ARFGEF3: variants seen among roughly 807,000 people sequenced by gnomAD.
ARFGEF3 encodes the protein ARFGEF family member 3.
A neutral mutation model predicts 221.7 loss-of-function variants in ARFGEF3; 96 were observed. The observed-to-expected ratio is 0.43, with a 90% CI of 0.37 to 0.51. The LOEUF (loss-of-function observed/expected upper bound fraction) is 0.51. Ranked by LOEUF, ARFGEF3 falls within the 20% of genes least tolerant of loss-of-function variation. The pLI is 0.00. For missense variants in ARFGEF3, 2,410 were observed against 2,789.9 expected (o/e 0.86, Z 3.07); for synonymous variants, 1,145 against 1,126.8 (o/e 1.02, Z -0.32).
At chr6:138,207,216 G>GT in intron 3 of ARFGEF3, 93 bp downstream of exon 3, 1 of 906,842 alleles carries the variant, frequency 1.1e-6, no homozygotes, top group East Asian at 2.6e-5. Context: ...AATACTGGCT[G>GT]TTTAAAGACT....
At chr6:138,235,331 T>C (rs1778266358) in intron 5 of ARFGEF3, among the ~76,000 whole-genome samples, 1 of 152,218 alleles carries the variant, frequency 6.6e-6, no homozygotes, top group African/African-American at 2.4e-5. Context: ...GCCCTGCATC[T>C]TTGTGTGTTC....
chr6:138,182,586 A>T (rs995063030), intron 2 of ARFGEF3, among the ~76,000 whole-genome samples: 2 of 152,218 alleles, frequency 1.3e-5, no homozygotes, highest in African/African-American at 4.8e-5. Context: ...TTTGCCAGGA[A>T]ATGACTTAAA....
At chr6:138,297,889 T>C (rs897666101) in intron 21 of ARFGEF3, among the ~76,000 whole-genome samples, 1 of 152,182 alleles carries the variant, frequency 6.6e-6, no homozygotes, top group African/African-American at 2.4e-5. Context: ...TGGGGCCAGA[T>C]GGTTCATGAT....
intron 5 of ARFGEF3, among the ~76,000 whole-genome samples, chr6:138,232,845 T>C (rs1405928307): frequency 6.6e-6 from 1 of 152,174 alleles, no homozygotes; most frequent in Admixed American, 6.5e-5. Context: ...AAAGTGAAGT[T>C]TGCTTGCTCA....
chr6:138,280,411 C>G (rs926718676), intron 14 of ARFGEF3, among the ~76,000 whole-genome samples: 1 of 152,164 alleles, frequency 6.6e-6, no homozygotes, highest in Non-Finnish European at 1.5e-5. Context: ...AACTTAGCAC[C>G]TTTGTCTGTT....
intron 31 of ARFGEF3, among the ~76,000 whole-genome samples, chr6:138,327,218 T>C (rs1489912922): frequency 1.3e-5 from 2 of 152,188 alleles, no homozygotes; most frequent in Non-Finnish European, 2.9e-5. Flanking sequence ...TGTTTACCTA[T>C]GTAAGAAACC....
intron 2 of ARFGEF3, among the ~76,000 whole-genome samples, chr6:138,193,637 G>A (rs1479157095): frequency 1.3e-5 from 2 of 152,164 alleles, no homozygotes; most frequent in African/African-American, 4.8e-5. Flanking sequence ...TGACTGTTGT[G>A]TTAACTGGTA....
At chr6:138,319,338 A>G (rs1469477318) in intron 27 of ARFGEF3, among the ~76,000 whole-genome samples, 1 of 151,716 alleles carries the variant, frequency 6.6e-6, no homozygotes, top group Non-Finnish European at 1.5e-5. Flanking sequence ...TATATAAAAT[A>G]TTTCCCCATG....
chr6:138,313,586 T>G (rs1779868316), intron 25 of ARFGEF3, among the ~76,000 whole-genome samples: 2 of 152,220 alleles, frequency 1.3e-5, no homozygotes, highest in South Asian at 4.1e-4. Context: ...TCTACTTTTT[T>G]GTTGCCATTG....
intron 4 of ARFGEF3, chr6:138,216,009 A>G (rs1583016054): frequency 1.4e-5 from 2 of 144,896 alleles, no homozygotes. Context: ...GGGGAGTTTT[A>G]CTCCTGTTGC....
Position 138,334,834 on chromosome 6 carries a change from G to A in ARFGEF3, c.5988G>A (p.Lys1996=). 1.9e-6 allele frequency: 3 copies of A among 1,600,192 alleles called. No individual in the cohort carries two copies. Among genetic ancestry groups the A allele is most frequent in the Non-Finnish European group, 2.6e-6 (3 of 1,173,722 alleles). ...LLLPPSPKVE[K]KDPSRKKEWW... ...TGCCCCCCAGCCCCAAAGTGGAGAA[G>A]AAGGATCCCAGCCGGAAGAAGGAGT... The change falls in exon 33 of 34, where the codon AAG becomes AAA. Residue 1996 remains lysine, a synonymous_variant. Transcript: ENST00000251691. The surrounding 1 kb of genome is among the most constrained non-coding windows in gnomAD (Gnocchi z 5.1).
chr6:138,319,676 G>T, intron 27 of ARFGEF3, 27 bp from the exon 28 acceptor site: 1 of 1,552,190 alleles, frequency 6.4e-7, no homozygotes. Flanking sequence ...ATTACAGGTT[G>T]TTGCTACGCT....
rs540146931 is a variant in ARFGEF3, at chr6:138,280,702, T to C, written c.2461+538T>C. 2.6e-5 allele frequency among the ~76,000 whole-genome samples: 4 copies of C among 152,224 alleles called. No homozygotes were observed. The East Asian group carries it at 7.7e-4, about 29-fold the overall frequency. ...TCCGTCTCTACTAAAAATACAAAAA[T>C]TAGCTGGGCATGGTGGCAGGTGCCT... On this transcript the variant is annotated intron_variant, in intron 14 of 33. Coordinates refer to ENST00000251691, the MANE Select transcript of ARFGEF3 (RefSeq NM_020340.5).
intron 20 of ARFGEF3, among the ~76,000 whole-genome samples, chr6:138,295,362 A>G (rs547342129): frequency 4.7e-4 from 72 of 151,992 alleles, no homozygotes; most frequent in Non-Finnish European, 8.1e-4. Flanking sequence ...GCTCATGCCT[A>G]TAATCCCAGC....
chr6:138,244,043 C>T (rs1277200885), intron 7 of ARFGEF3, among the ~76,000 whole-genome samples: 3 of 152,056 alleles, frequency 2.0e-5, no homozygotes, highest in South Asian at 2.1e-4. Flanking sequence ...AGGGGGTCTG[C>T]GACTTCTTGG....
intron 2 of ARFGEF3, among the ~76,000 whole-genome samples, chr6:138,205,296 T>C (rs544222029): frequency 1.2e-4 from 18 of 152,284 alleles, no homozygotes; most frequent in African/African-American, 3.9e-4. Flanking sequence ...TGTAAGACTT[T>C]TGGACCCCCA....
chr6:138,178,152 A>T (rs1252042783), intron 2 of ARFGEF3, among the ~76,000 whole-genome samples: 1 of 152,078 alleles, frequency 6.6e-6, no homozygotes, highest in Non-Finnish European at 1.5e-5. Flanking sequence ...TGTGACTATG[A>T]TGTTGGTCGG....
rs561087699 is a variant in ARFGEF3 at position 138,344,601 on chromosome 6, T to G, written c.*8115T>G. 1.3e-5 allele frequency: 2 copies of G among 152,310 alleles called. No individual in the cohort carries two copies. Among genetic ancestry groups the G allele is most frequent in the African/African-American group, 4.8e-5 (2 of 41,566 alleles). 9.4% of individuals were successfully genotyped at this position (152,310 alleles called of 1,614,324 possible). A position where few individuals can be genotyped will look rare whatever the true frequency, so the allele number is the denominator to read the frequency against. On this transcript the variant is annotated 3_prime_UTR_variant, in exon 34 of 34. Coordinates refer to ENST00000251691, the MANE Select transcript of ARFGEF3 (RefSeq NM_020340.5). The stretch of plus-strand genomic sequence containing the variant: ...GTTGCTTGTGTTGTAGAATAAAGAT[T>G]CAAATGCATTAAAAATCTGGTACAT...
Position 138,306,953 on chromosome 6 carries a change from TAAAA to T in ARFGEF3, c.3829-285_3829-282del, listed in dbSNP as rs71773390. The stretch of plus-strand genomic sequence containing the variant: ...TATCTTGGGAATATATAAGGAACTC[TAAAA>T]AAAAAAAAAAAAAAGAAAATAACAA... On this transcript the variant is annotated intron_variant, in intron 22 of 33. Coordinates refer to ENST00000251691, the MANE Select transcript of ARFGEF3 (RefSeq NM_020340.5). Among the ~76,000 whole-genome samples, 78 of 113,714 alleles carry T rather than the reference TAAAA, an allele frequency of 6.9e-4. 1 individual carries two copies. The highest frequency in any genetic ancestry group is 2.2e-3 in the African/African-American group (69 of 31,652). 74.6% of individuals were successfully genotyped at this position (113,714 alleles called of 152,430 possible).
Sources: gnomAD v4.1 joint callset for allele counts (sites outside exome capture counted in the v4.1 genomes callset) on GRCh38, gnomAD v4.1.1 for gene constraint, Gnocchi (gnomAD v3.1) non-coding constraint, MANE v1.5 for transcripts, NCBI Gene and HGNC (gene_info 2026-07-23, HGNC 2026-07-21) for gene names.